The following TMEM151B variants were observed in gnomAD, a reference collection of about 807,000 sequenced individuals.
TMEM151B encodes the protein transmembrane protein 151B.
In TMEM151B, 18 loss-of-function variants were observed where a neutral mutation model predicts 33.0. That is an observed-to-expected ratio of 0.55 (90% confidence interval 0.38 to 0.81). The LOEUF (loss-of-function observed/expected upper bound fraction) is 0.81, where lower values mean the gene tolerates loss of function less well. Among genes scored for constraint, TMEM151B ranks in the 30% least tolerant of loss-of-function variants. The pLI, the probability that TMEM151B is intolerant of heterozygous loss-of-function variation, is 0.00. For missense variants in TMEM151B, 672 were observed against 843.4 expected, an observed-to-expected ratio of 0.80 and a Z score of 2.52; for synonymous variants, 354 against 373.6, an observed-to-expected ratio of 0.95 and a Z score of 0.61.
chr6:44,273,968 A>C (rs1782468119), intron 2 of TMEM151B, among the ~76,000 whole-genome samples: 1 of 152,176 alleles, frequency 6.6e-6, no homozygotes, highest in Non-Finnish European at 1.5e-5. Flanking sequence ...TAACCTCAGC[A>C]CTTTGGTGAG....
chr6:44,272,630 G>T (rs1450532707), intron 1 of TMEM151B, among the ~76,000 whole-genome samples: 2 of 152,120 alleles, frequency 1.3e-5, no homozygotes, highest in Non-Finnish European at 1.5e-5. Context: ...CTGGGCTGGG[G>T]ACCTTCCTTC....
In TMEM151B at chr6:44,275,597, C is replaced by G. The variant is rs769817811; in HGVS notation, c.771C>G (p.Phe257Leu). 6.4e-7 allele frequency: 1 copy of G among 1,551,020 alleles called. No individual in the cohort carries two copies. The highest frequency in any genetic ancestry group is 8.7e-7 in the Non-Finnish European group (1 of 1,146,748). ...ACCTGTGCCAGCGCGCGCGCTTCTT[C>G]GCAGAGAACGAGGGCCTAGACGACT... ...NAYLCQRARF[F>L]AENEGLDDYM... is the part of the protein sequence containing the mutation. Residue 257 changes from phenylalanine to leucine, a missense_variant, in exon 3 of 3, where the codon TTC (phenylalanine) becomes TTG (leucine). Physicochemically the swap from Phe to Leu is conservative, Grantham distance 22 (BLOSUM62 0). Coordinates refer to ENST00000451188, the MANE Select transcript of TMEM151B (RefSeq NM_001137560.2).
chr6:44,274,842 G>C (rs1222450624), intron 2 of TMEM151B, among the ~76,000 whole-genome samples: 1 of 152,186 alleles, frequency 6.6e-6, no homozygotes, highest in Non-Finnish European at 1.5e-5. Flanking sequence ...TGCGCGGCCG[G>C]GGGCGGTGGC....
chr6:44,270,892 C>T lies in TMEM151B; in HGVS notation c.135+15C>T. On this transcript the variant is annotated intron_variant, in intron 1 of 2. Coordinates refer to ENST00000451188, the MANE Select transcript of TMEM151B (RefSeq NM_001137560.2). Reference sequence around the variant, plus strand: ...CCCGAGAGGAGGTGAGAGTCTAGGGCGCCCCTTCCCCGGGCGCGGCCGCAG... The same window carrying T: ...CCCGAGAGGAGGTGAGAGTCTAGGGTGCCCCTTCCCCGGGCGCGGCCGCAG... 2.8e-6 allele frequency: 3 copies of T among 1,075,836 alleles called. No homozygotes were observed. The highest frequency in any genetic ancestry group is 3.4e-6 in the Non-Finnish European group (3 of 890,294). The allele number at this position is 1,075,836 out of a possible 1,614,324, so 66.6% of individuals were successfully genotyped here.
In TMEM151B at chr6:44,275,906, C is replaced by T. The variant is rs1490970716; in HGVS notation, c.1080C>T (p.His360=). The T allele has an allele frequency of 6.5e-7, 1 of 1,529,732 alleles. No homozygotes were observed. Among genetic ancestry groups the T allele is most frequent in the Non-Finnish European group, 8.8e-7 (1 of 1,137,780 alleles). The allele number at this position is 1,529,732 out of a possible 1,614,324, so 94.8% of individuals were successfully genotyped here. Residue 360 remains histidine, a synonymous_variant, in exon 3 of 3, where the codon CAC becomes CAT. Transcript: ENST00000451188. ...PSDELLPPLT[H]RLPRVNTVDS... is the part of the protein sequence containing the mutation. The stretch of plus-strand genomic sequence containing the variant: ...ATGAGCTGCTGCCCCCGCTCACCCA[C>T]CGCCTGCCGCGGGTCAACACAGTAG...
At position 44,270,856 on chromosome 6, in the gene TMEM151B, C is replaced by T; in HGVS notation, c.114C>T (p.Asp38=). ...CGGCGGCGGCAGCGGCGGCGGCGGA[C>T]GAGGGCCCCGCCCGAGAGGAGGTGA... The part of the protein sequence containing the change: ...LTAAAAAAAA[D]EGPAREEQRP... Residue 38 remains aspartate, a synonymous_variant, in exon 1 of 3, where the codon GAC becomes GAT. Transcript: ENST00000451188. The T allele has an allele frequency of 1.1e-5, 12 of 1,108,112 alleles. No individual in the cohort carries two copies. Among genetic ancestry groups the T allele is most frequent in the Non-Finnish European group, 1.3e-5 (12 of 911,172 alleles). The allele number at this position is 1,108,112 out of a possible 1,614,324, so 68.6% of individuals were successfully genotyped here.
In TMEM151B at chr6:44,276,859, C is replaced by T; in HGVS notation, c.*332C>T. 1 of 262,576 alleles carries T rather than the reference C, an allele frequency of 3.8e-6. No individual in the cohort carries two copies. The allele number at this position is 262,576 out of a possible 1,614,324, so 16.3% of individuals were successfully genotyped here. ...TGTTAGATGACAACCGTGCCGTGGGCCCCGCGTTGGGCCTTGTCTGAAGGG... is the reference window on the plus strand; with the variant it reads ...TGTTAGATGACAACCGTGCCGTGGGTCCCGCGTTGGGCCTTGTCTGAAGGG... On this transcript the variant is annotated 3_prime_UTR_variant, in exon 3 of 3. Coordinates refer to ENST00000451188, the MANE Select transcript of TMEM151B (RefSeq NM_001137560.2).
rs1386789864 is a variant in TMEM151B at position 44,275,997 on chromosome 6, G to A, written c.1171G>A (p.Val391Met). The A allele has an allele frequency of 2.8e-6, 4 of 1,424,018 alleles. No individual in the cohort carries two copies. The highest frequency in any genetic ancestry group is 2.7e-5 in the East Asian group (1 of 37,190). The allele number at this position is 1,424,018 out of a possible 1,614,324, so 88.2% of individuals were successfully genotyped here. A position where few individuals can be genotyped will look rare whatever the true frequency, so the allele number is the denominator to read the frequency against. ...GCTGGTGCCCAGCTACTCTGAGGCG[G>A]TGCTCATGGACCTGGCGGGGCTCGG... ...QQLVPSYSEA[V>M]LMDLAGLGTR... The change falls in exon 3 of 3, where the codon GTG (valine) becomes ATG (methionine). Residue 391 changes from valine to methionine, a missense_variant. Physicochemically the swap from Val to Met is conservative, Grantham distance 21. This residue lies in a region of TMEM151B where 324 missense variants were observed against 363.1 expected (regional missense o/e 0.89). Transcript: ENST00000451188.
At chr6:44,274,618 CTAG>C (rs1782494798) in intron 2 of TMEM151B, among the ~76,000 whole-genome samples, 1 of 152,128 alleles carries the variant, frequency 6.6e-6, no homozygotes, top group Non-Finnish European at 1.5e-5. Context: ...AACAGGCAGA[CTAG>C]AGATAGAGGG....
Position 44,270,676 on chromosome 6 carries a change from C to G in TMEM151B, c.-67C>G. On this transcript the variant is annotated 5_prime_UTR_variant, in exon 1 of 3. Coordinates refer to ENST00000451188, the MANE Select transcript of TMEM151B (RefSeq NM_001137560.2). ...CCTCCCGTCCTCTCCCCAGGGCCCG[C>G]GCAGGATGCCCCCGGCCCCTGGCAG... 1 of 395,960 alleles carries G rather than the reference C, an allele frequency of 2.5e-6. No individual in the cohort carries two copies. Among genetic ancestry groups the G allele is most frequent in the Non-Finnish European group, 3.7e-6 (1 of 268,762 alleles). 24.5% of individuals were successfully genotyped at this position (395,960 alleles called of 1,614,324 possible). A position where few individuals can be genotyped will look rare whatever the true frequency, so the allele number is the denominator to read the frequency against.
chr6:44,273,271 A>G lies in TMEM151B; in HGVS notation c.341A>G (p.Tyr114Cys). 6.4e-7 allele frequency: 1 copy of G among 1,551,780 alleles called. No individual in the cohort carries two copies. Among genetic ancestry groups the G allele is most frequent in the Non-Finnish European group, 8.7e-7 (1 of 1,147,010 alleles). Residue 114 changes from tyrosine to cysteine, a missense_variant, in exon 2 of 3, where the codon TAC becomes TGC. This residue lies in a region of TMEM151B where 285 missense variants were observed against 423.1 expected (regional missense o/e 0.67). Transcript: ENST00000451188. ...HDSPCSNGYV[Y>C]IPLAFLLMLY... ...AGCCCCTGCTCCAACGGCTATGTCT[A>G]CATCCCCCTGGCCTTCCTGCTCATG...
intron 2 of TMEM151B, among the ~76,000 whole-genome samples, 181 bp from the exon 3 acceptor site, chr6:44,275,222 C>T (rs756685566): frequency 3.3e-5 from 5 of 152,192 alleles, no homozygotes; most frequent in Non-Finnish European, 5.9e-5. Flanking sequence ...CAGAGGGCGT[C>T]AGTTGCCCTG....
Position 44,276,265 on chromosome 6 carries a change from A to G in TMEM151B, c.1439A>G (p.Tyr480Cys), listed in dbSNP as rs1394280588. The G allele has an allele frequency of 3.7e-6, 5 of 1,347,406 alleles. No individual in the cohort carries two copies. Among genetic ancestry groups the G allele is most frequent in the Non-Finnish European group, 4.8e-6 (5 of 1,052,362 alleles). The allele number at this position is 1,347,406 out of a possible 1,614,324, so 83.5% of individuals were successfully genotyped here. A position where few individuals can be genotyped will look rare whatever the true frequency, so the allele number is the denominator to read the frequency against. Residue 480 changes from tyrosine to cysteine, a missense_variant, in exon 3 of 3, where the codon TAC (tyrosine) becomes TGC (cysteine). By Grantham distance (194) the Tyr-to-Cys change is radical. This residue lies in a region of TMEM151B where 324 missense variants were observed against 363.1 expected (regional missense o/e 0.89). Coordinates refer to ENST00000451188, the MANE Select transcript of TMEM151B (RefSeq NM_001137560.2). ...AGCCGCTTCTCGCTGGGCCGTCTCT[A>G]CGGCTCCCGGCGCAGCTGCCTGTGG... ...GGSRFSLGRL[Y>C]GSRRSCLWRS...
rs1199159566 is a variant in TMEM151B, at chr6:44,273,303, G to C, written c.373G>C (p.Ala125Pro). 3.9e-6 allele frequency: 6 copies of C among 1,551,560 alleles called. No individual in the cohort carries two copies. Among genetic ancestry groups the C allele is most frequent in the South Asian group, 1.2e-5 (1 of 84,072 alleles). ...CCTGGCCTTCCTGCTCATGTTGTAC[G>C]CCGTCTACCTGGTGGAGTGTTGGCA... The part of the protein sequence containing the change: ...IPLAFLLMLY[A>P]VYLVECWHCQ... The change falls in exon 2 of 3, where the codon GCC (alanine) becomes CCC (proline). Residue 125 changes from alanine (A) to proline (P), a missense_variant. Ala to Pro is a conservative substitution (Grantham distance 27). This residue lies in a region of TMEM151B where 285 missense variants were observed against 423.1 expected (regional missense o/e 0.67). Coordinates refer to ENST00000451188, the MANE Select transcript of TMEM151B (RefSeq NM_001137560.2).
chr6:44,273,192 A>G lies in TMEM151B; in HGVS notation c.262A>G (p.Thr88Ala). The G allele has an allele frequency of 6.5e-7, 1 of 1,549,582 alleles. No individual in the cohort carries two copies. The highest frequency in any genetic ancestry group is 8.7e-7 in the Non-Finnish European group (1 of 1,145,422). The change falls in exon 2 of 3, where the codon ACG becomes GCG. Residue 88 changes from threonine to alanine, a missense_variant. By Grantham distance (58) the Thr-to-Ala change is moderately conservative. Transcript: ENST00000451188. The stretch of plus-strand genomic sequence containing the variant: ...GGCCTGGTGCCACGTCACCACAGTG[A>G]CGCGCCTCACCTTCAGCAGCGCCTA... ...AVAWCHVTTV[T>A]RLTFSSAYQG... is the part of the protein sequence containing the mutation.
chr6:44,271,102 G>C (rs919142016), intron 1 of TMEM151B, among the ~76,000 whole-genome samples: 23 of 151,426 alleles, frequency 1.5e-4, no homozygotes, highest in African/African-American at 5.1e-4. Flanking sequence ...GTCCCGGGCA[G>C]GGGGAGGGGC....
At chr6:44,274,302 T>C (rs1392072410) in intron 2 of TMEM151B, among the ~76,000 whole-genome samples, 1 of 152,244 alleles carries the variant, frequency 6.6e-6, no homozygotes, top group Non-Finnish European at 1.5e-5. Context: ...TACTGAGTTC[T>C]TTCACAGGTA....
At position 44,275,287 on chromosome 6, in the gene TMEM151B, A is replaced by G. The variant is rs944529993; in HGVS notation, c.577-116A>G. The stretch of plus-strand genomic sequence containing the variant: ...CCAGCCGGCACCTAAACCAAGACAG[A>G]CTTAGGGTCCGACCAGGCAACCAGA... On this transcript the variant is annotated intron_variant, in intron 2 of 2. Transcript: ENST00000451188. 4 of 1,427,494 alleles carry G rather than the reference A, an allele frequency of 2.8e-6. 1 individual carries two copies. In the Middle Eastern group the frequency reaches 7.8e-4, roughly 278 times the overall value. 88.4% of individuals were successfully genotyped at this position (1,427,494 alleles called of 1,614,324 possible).
At position 44,276,456 on chromosome 6, in the gene TMEM151B, C is replaced by T; in HGVS notation, c.1630C>T (p.Gln544Ter). Residue 544 changes from glutamine (Q) to a stop codon, truncating the protein, a stop_gained, in exon 3 of 3, where the codon CAG (glutamine) becomes TAG (stop). Coordinates refer to ENST00000451188, the MANE Select transcript of TMEM151B (RefSeq NM_001137560.2). LOFTEE classifies it high-confidence loss of function. ...CTTTCCGGTCCTCATCGTCCACCGG[C>T]AGGAGGGGTGTCTGGGCCACAGCCA... is the stretch of plus-strand genomic sequence containing the variant. ...LYFPVLIVHR[Q>*]EGCLGHSHRP... is the part of the protein sequence containing the mutation. The T allele has an allele frequency of 6.7e-7, 1 of 1,487,932 alleles. No individual in the cohort carries two copies. Among genetic ancestry groups the T allele is most frequent in the Non-Finnish European group, 8.9e-7 (1 of 1,120,470 alleles). 92.2% of individuals were successfully genotyped at this position (1,487,932 alleles called of 1,614,324 possible).
Sources: gnomAD v4.1 joint callset for allele counts (sites outside exome capture counted in the v4.1 genomes callset) on GRCh38, gnomAD v4.1.1 for gene constraint, gnomAD v4.1.1 regional missense constraint, MANE v1.5 for transcripts, NCBI Gene and HGNC (gene_info 2026-07-23, HGNC 2026-07-21) for gene names.